SLC25A21: variants seen among roughly 807,000 people sequenced by gnomAD.
SLC25A21 encodes solute carrier family 25 member 21.
A neutral mutation model predicts 43.8 loss-of-function variants in SLC25A21; 47 were observed. That is an observed-to-expected ratio of 1.07 (90% CI 0.85 to 1.37). The LOEUF (loss-of-function observed/expected upper bound fraction) is 1.37. SLC25A21 is among the 40% of genes most tolerant of loss of function. The pLI, the probability that SLC25A21 is intolerant of heterozygous loss-of-function variation, is 0.00. For missense variants in SLC25A21, 352 were observed against 350.2 expected (o/e 1.00, Z -0.04); for synonymous variants, 131 against 121.3 (o/e 1.08, Z -0.52).
intron 3 of SLC25A21, among the ~76,000 whole-genome samples, chr14:36,781,482 T>C (rs1887059728): frequency 6.6e-6 from 1 of 152,182 alleles, no homozygotes; most frequent in Non-Finnish European, 1.5e-5. Context: ...CTTTCTCTTT[T>C]GTTTATCTAC....
chr14:36,882,483 C>T (rs1055128138), intron 1 of SLC25A21, among the ~76,000 whole-genome samples: 50 of 152,204 alleles, frequency 3.3e-4, no homozygotes, highest in African/African-American at 1.1e-3. Flanking sequence ...ACACCAGACA[C>T]TGTAGTCTAT....
Position 36,678,798 on chromosome 14 carries a change from T to A in SLC25A21, c.*1860A>T. ...ATCTAATATTAATGGTATTGAAGTT[T>A]CCTTTTCTCCCTCTAGGTCTTAACA... On this transcript the variant is annotated 3_prime_UTR_variant, in exon 10 of 10. Coordinates refer to ENST00000331299, the MANE Select transcript of SLC25A21 (RefSeq NM_030631.4). 9.8e-7 allele frequency: 1 copy of A among 1,021,276 alleles called. No individual in the cohort carries two copies. The highest frequency in any genetic ancestry group is 4.6e-5 in the South Asian group (1 of 21,840). The allele number at this position is 1,021,276 out of a possible 1,614,324, so 63.3% of individuals were successfully genotyped here.
intron 3 of SLC25A21, among the ~76,000 whole-genome samples, chr14:36,779,609 CA>C (rs1886972055): frequency 8.2e-6 from 1 of 122,484 alleles, no homozygotes; most frequent in Non-Finnish European, 1.7e-5. Context: ...TATGTGTATA[CA>C]TATATATATA....
intron 1 of SLC25A21, among the ~76,000 whole-genome samples, chr14:36,993,154 A>C (rs1245945279): frequency 6.6e-6 from 1 of 152,214 alleles, no homozygotes; most frequent in East Asian, 1.9e-4. Context: ...ATATCTAATT[A>C]ATACTGCTAT....
chr14:37,078,917 A>G (rs563626844), intron 1 of SLC25A21, among the ~76,000 whole-genome samples: 28 of 151,904 alleles, frequency 1.8e-4, no homozygotes, highest in African/African-American at 6.0e-4. Context: ...AGAACAGACT[A>G]TGGTTTGGGA....
At chr14:36,749,087 T>C (rs1885606312) in intron 3 of SLC25A21, among the ~76,000 whole-genome samples, 1 of 152,204 alleles carries the variant, frequency 6.6e-6, no homozygotes, top group Non-Finnish European at 1.5e-5. Flanking sequence ...ATAAGGCAGA[T>C]GCCAAACTAT....
chr14:37,135,015 C>T (rs949509365), intron 1 of SLC25A21, among the ~76,000 whole-genome samples: 1 of 151,768 alleles, frequency 6.6e-6, no homozygotes, highest in African/African-American at 2.4e-5. Flanking sequence ...GCAGCCTCCA[C>T]CTCACAGGTT....
At chr14:36,794,379 T>C (rs559589346) in intron 3 of SLC25A21, among the ~76,000 whole-genome samples, 2 of 152,278 alleles carry the variant, frequency 1.3e-5, no homozygotes, top group Middle Eastern at 3.4e-3. Context: ...ACCACCAATA[T>C]GTAAATGCTG....
chr14:36,933,873 T>C (rs1166146240), intron 1 of SLC25A21, among the ~76,000 whole-genome samples: 1 of 152,186 alleles, frequency 6.6e-6, no homozygotes, highest in Non-Finnish European at 1.5e-5. Flanking sequence ...CTCACAACTA[T>C]TCTTCTTTCA....
At chr14:37,097,395 C>T (rs1009992582) in intron 1 of SLC25A21, among the ~76,000 whole-genome samples, 3 of 152,112 alleles carry the variant, frequency 2.0e-5, no homozygotes, top group African/African-American at 4.8e-5. Context: ...CCACCGCACT[C>T]GGCCAAATGT....
At chr14:36,682,911 A>G (rs1337595410) in intron 9 of SLC25A21, among the ~76,000 whole-genome samples, 1 of 152,180 alleles carries the variant, frequency 6.6e-6, no homozygotes, top group African/African-American at 2.4e-5. Flanking sequence ...TTAGATTAAT[A>G]GAAATGTTGG....
At chr14:37,165,475 T>C (rs1014166926) in intron 1 of SLC25A21, among the ~76,000 whole-genome samples, 1 of 152,106 alleles carries the variant, frequency 6.6e-6, no homozygotes, top group Non-Finnish European at 1.5e-5. Flanking sequence ...AGGATGGTGA[T>C]CTCACATGCA....
intron 1 of SLC25A21, among the ~76,000 whole-genome samples, chr14:36,965,173 T>TA (rs1959584039): frequency 6.6e-6 from 1 of 152,154 alleles, no homozygotes; most frequent in Admixed American, 6.5e-5. Flanking sequence ...GAAGGCAAAC[T>TA]AAAAATGGTC....
rs182442652 is a variant in SLC25A21 at position 37,146,248 on chromosome 14, C to T, written c.70+26033G>A. ...TATCTTTTAGGCACTAGGGATACAC[C>T]AGAGTACCAAACAGACCAAGAGTTT... On this transcript the variant is annotated intron_variant, in intron 1 of 9. Transcript: ENST00000331299. 7.5e-4 allele frequency among the ~76,000 whole-genome samples: 114 copies of T among 152,236 alleles called. 1 individual carries two copies. Among genetic ancestry groups the T allele is most frequent in the African/African-American group, 2.7e-3 (112 of 41,538 alleles).
intron 1 of SLC25A21, among the ~76,000 whole-genome samples, chr14:37,155,022 T>C (rs1407017902): frequency 6.6e-6 from 1 of 151,988 alleles, no homozygotes; most frequent in African/African-American, 2.4e-5. Context: ...TTGAAAACTT[T>C]GGTAATAGAG....
In SLC25A21 at chr14:36,679,160, CA is replaced by C; in HGVS notation, c.*1497del. On this transcript the variant is annotated 3_prime_UTR_variant, in exon 10 of 10. Transcript: ENST00000331299. ...GCAAGGATAGAATGCAGTTGTGCAA[CA>C]GAGACACATTCTTATTTCTTTTTTT... 2 of 985,348 alleles carry C rather than the reference CA, an allele frequency of 2.0e-6. No homozygotes were observed. The highest frequency in any genetic ancestry group is 2.4e-6 in the Non-Finnish European group (2 of 829,884). 61.0% of individuals were successfully genotyped at this position (985,348 alleles called of 1,614,324 possible).
At chr14:36,731,140 T>G (rs556186233) in intron 4 of SLC25A21, among the ~76,000 whole-genome samples, 175 of 152,142 alleles carry the variant, frequency 1.2e-3, no homozygotes, top group Non-Finnish European at 2.1e-3. Flanking sequence ...GCCCGGCTAA[T>G]TTTTTTGTAT....
Position 36,764,001 on chromosome 14 carries a change from C to T in SLC25A21, c.204-29428G>A, listed in dbSNP as rs1204494438. Among the ~76,000 whole-genome samples, 6 of 139,270 alleles carry T rather than the reference C, an allele frequency of 4.3e-5. No individual in the cohort carries two copies. The Admixed American group carries it at 4.6e-4, about 11-fold the overall frequency. The allele number at this position is 139,270 out of a possible 152,430, so 91.4% of individuals were successfully genotyped here. On this transcript the variant is annotated intron_variant, in intron 3 of 9. Transcript: ENST00000331299. Reference sequence around the variant, plus strand: ...TGGAGATCGTGCCACTGCACTCTAGCCTGGGTGACAGAGCAAGACTCTGTG... The same window carrying T: ...TGGAGATCGTGCCACTGCACTCTAGTCTGGGTGACAGAGCAAGACTCTGTG...
chr14:37,067,791 G>A (rs1200059109), intron 1 of SLC25A21, among the ~76,000 whole-genome samples: 1 of 152,168 alleles, frequency 6.6e-6, no homozygotes, highest in Non-Finnish European at 1.5e-5. Flanking sequence ...CATGTGCTCA[G>A]AATACATGTA....
Sources: gnomAD v4.1 joint callset for allele counts (sites outside exome capture counted in the v4.1 genomes callset) on GRCh38, gnomAD v4.1.1 for gene constraint, MANE v1.5 for transcripts, NCBI Gene and HGNC (gene_info 2026-07-23, HGNC 2026-07-21) for gene names.